Variants in TMEM132C observed in about 807,000 individuals in gnomAD.
The protein encoded by TMEM132C is transmembrane protein 132C, also known as protein phosphatase 1, regulatory subunit 152.
In TMEM132C, 29 loss-of-function variants were observed where a neutral mutation model predicts 61.4. The ratio of observed to expected loss-of-function variants is 0.47; its 90% CI spans 0.35 to 0.64. The LOEUF is 0.64. Ranked by LOEUF, TMEM132C falls within the 30% of genes least tolerant of loss-of-function variation. The pLI is 0.00. For missense variants in TMEM132C, 1,408 were observed against 1,476.9 expected (o/e 0.95, Z 0.76); for synonymous variants, 656 against 633.1 (o/e 1.04, Z -0.54).
At chr12:128,391,319 C>G (rs983221104) in intron 1 of TMEM132C, among the ~76,000 whole-genome samples, 3 of 152,208 alleles carry the variant, frequency 2.0e-5, no homozygotes, top group Non-Finnish European at 4.4e-5. Flanking sequence ...ACTCAGCATC[C>G]TTTGCAGGAG....
chr12:128,675,864 GATAGATAGATAGATAGATAA>G lies in TMEM132C; in HGVS notation c.1449+6323_1449+6342del, dbSNP rs879901284. Among the ~76,000 whole-genome samples the G allele has an allele frequency of 6.3e-3, 881 of 138,866 alleles. 3 individuals carry two copies. Among genetic ancestry groups the G allele is most frequent in the African/African-American group, 0.015 (482 of 32,006 alleles). The allele number at this position is 138,866 out of a possible 152,430, so 91.1% of individuals were successfully genotyped here. ...AGATAGATAGATAGATAGATAGATA[GATAGATAGATAGATAGATAA>G]ATAGATAGATAGATAGATTTGTTGC... On this transcript the variant is annotated intron_variant, in intron 5 of 8. Transcript: ENST00000435159.
chr12:128,446,148 C>T (rs180978883), intron 2 of TMEM132C, among the ~76,000 whole-genome samples: 5 of 152,328 alleles, frequency 3.3e-5, no homozygotes, highest in Admixed American at 6.5e-5. Flanking sequence ...TTTCAATCAG[C>T]GTGAATGCCG....
intron 2 of TMEM132C, among the ~76,000 whole-genome samples, chr12:128,426,026 G>T (rs965736078): frequency 2.0e-5 from 3 of 152,314 alleles, no homozygotes; most frequent in African/African-American, 7.2e-5. Flanking sequence ...TGCCTGACGT[G>T]CTTCAGAGCC....
intron 2 of TMEM132C, among the ~76,000 whole-genome samples, chr12:128,479,539 T>C (rs950201517): frequency 6.6e-6 from 1 of 152,250 alleles, no homozygotes. Flanking sequence ...GCAGGGTCCA[T>C]TGATAAAGTT....
At chr12:128,690,071 A>T (rs1389302566) in intron 5 of TMEM132C, among the ~76,000 whole-genome samples, 1 of 152,172 alleles carries the variant, frequency 6.6e-6, no homozygotes, top group African/African-American at 2.4e-5. Flanking sequence ...AGCCTGAGTG[A>T]TAACGGAATA....
chr12:128,317,373 G>T (rs1872188245), intron 1 of TMEM132C, among the ~76,000 whole-genome samples: 2 of 152,146 alleles, frequency 1.3e-5, no homozygotes, highest in Non-Finnish European at 2.9e-5. Flanking sequence ...TTGTTTAGGG[G>T]TCCGGATCTT....
chr12:128,327,213 A>T (rs1443256952), intron 1 of TMEM132C, among the ~76,000 whole-genome samples: 4 of 150,094 alleles, frequency 2.7e-5, no homozygotes, highest in African/African-American at 1.0e-4. Flanking sequence ...AGTTGTGATG[A>T]AAATTAAACA....
chr12:128,610,004 C>G (rs774609453), intron 3 of TMEM132C, among the ~76,000 whole-genome samples: 1 of 152,234 alleles, frequency 6.6e-6, no homozygotes, highest in Non-Finnish European at 1.5e-5. Flanking sequence ...AATGCAGGGT[C>G]TTTTCTGTTG....
At chr12:128,573,422 A>G (rs1874970750) in intron 3 of TMEM132C, among the ~76,000 whole-genome samples, 1 of 151,762 alleles carries the variant, frequency 6.6e-6, no homozygotes, top group Non-Finnish European at 1.5e-5. Flanking sequence ...TGGACATAGG[A>G]CGGGGAACAT....
At chr12:128,555,586 A>G (rs1565973208) in intron 3 of TMEM132C, among the ~76,000 whole-genome samples, 1 of 152,146 alleles carries the variant, frequency 6.6e-6, no homozygotes, top group Non-Finnish European at 1.5e-5. Context: ...GTGGGTCTCC[A>G]TAAAATTGTC....
chr12:128,535,131 G>A lies in TMEM132C; in HGVS notation c.975-8826G>A, dbSNP rs528891853. On this transcript the variant is annotated intron_variant, in intron 2 of 8. Transcript: ENST00000435159. ...TCTTTGATCTTCGTCCCTCAAGCAC[G>A]TCCTGGCCTCCTGGTGTTCAGAGTA... Among the ~76,000 whole-genome samples the A allele has an allele frequency of 9.9e-5, 15 of 152,270 alleles. No homozygotes were observed. In the South Asian group the frequency reaches 1.0e-3, roughly 11 times the overall value.
In TMEM132C at chr12:128,503,887, T is replaced by G. The variant is rs373221300; in HGVS notation, c.975-40070T>G. On this transcript the variant is annotated intron_variant, in intron 2 of 8. Transcript: ENST00000435159. ...CTGGTGTCTCATAACAACCATCATT[T>G]TATTGTCTCTCATGGTTTATGGGGA... Among the ~76,000 whole-genome samples the G allele has an allele frequency of 2.3e-3, 353 of 152,344 alleles. 1 individual carries two copies. The highest frequency in any genetic ancestry group is 3.8e-3 in the Non-Finnish European group (258 of 68,020).
At chr12:128,285,555 G>A (rs984519469) in intron 1 of TMEM132C, among the ~76,000 whole-genome samples, 1 of 152,110 alleles carries the variant, frequency 6.6e-6, no homozygotes, top group African/African-American at 2.4e-5. Flanking sequence ...GCAAGCCAAG[G>A]AAAGATTGAC....
At chr12:128,480,314 C>T (rs1332116372) in intron 2 of TMEM132C, among the ~76,000 whole-genome samples, 2 of 152,202 alleles carry the variant, frequency 1.3e-5, no homozygotes, top group African/African-American at 4.8e-5. Flanking sequence ...CAATTTGATA[C>T]ATTTGGCTTC....
intron 5 of TMEM132C, among the ~76,000 whole-genome samples, chr12:128,691,811 C>CA (rs917415081): frequency 4.6e-5 from 7 of 151,560 alleles, no homozygotes. Flanking sequence ...TGCATGCACC[C>CA]ATCAGTTCTT....
intron 2 of TMEM132C, among the ~76,000 whole-genome samples, chr12:128,452,068 T>A (rs984078301): frequency 1.4e-4 from 22 of 152,054 alleles, no homozygotes; most frequent in Admixed American, 2.6e-4. Flanking sequence ...TTTTATTTTT[T>A]AAAAAATAAA....
rs1448957084 is a variant in TMEM132C, at chr12:128,326,006, A to G, written c.85+58519A>G. On this transcript the variant is annotated intron_variant, in intron 1 of 8. Transcript: ENST00000435159. This position sits in a 1 kb window ranked among gnomAD's most constrained non-coding sequence, Gnocchi z 5.6. ...ACGTGCGGAGGTTGTACTTGGTGGT[A>G]TTCCTGGGTCCTGACGCCATACTCA... 6.6e-6 allele frequency among the ~76,000 whole-genome samples: 1 copy of G among 152,098 alleles called. No individual in the cohort carries two copies. Among genetic ancestry groups the G allele is most frequent in the Non-Finnish European group, 1.5e-5 (1 of 68,024 alleles).
In TMEM132C at chr12:128,548,750, C is replaced by A. The variant is rs185351979; in HGVS notation, c.1121+4647C>A. 5.9e-5 allele frequency among the ~76,000 whole-genome samples: 9 copies of A among 152,232 alleles called. No homozygotes were observed. The East Asian group carries it at 1.7e-3, about 29-fold the overall frequency. On this transcript the variant is annotated intron_variant, in intron 3 of 8. Transcript: ENST00000435159. ...GTTCTGTGTTCACAGATTCCAGATT[C>A]TTTTAGTGGAAGATTGTGTCTGTAT... is the stretch of plus-strand genomic sequence containing the variant.
chr12:128,683,753 G>A (rs575420626), intron 5 of TMEM132C, among the ~76,000 whole-genome samples: 48 of 152,214 alleles, frequency 3.2e-4, no homozygotes, highest in African/African-American at 1.1e-3. Context: ...GATCACCTGA[G>A]GTCAGGAGTT....
Sources: gnomAD v4.1 joint callset for allele counts (sites outside exome capture counted in the v4.1 genomes callset) on GRCh38, gnomAD v4.1.1 for gene constraint, Gnocchi (gnomAD v3.1) non-coding constraint, MANE v1.5 for transcripts, NCBI Gene and HGNC (gene_info 2026-07-23, HGNC 2026-07-21) for gene names.